NLK: variants seen among roughly 807,000 people sequenced by gnomAD.
NLK encodes nemo like kinase.
A neutral mutation model predicts 59.0 loss-of-function variants in NLK; 11 were observed. The ratio of observed to expected loss-of-function variants is 0.19; its 90% CI spans 0.12 to 0.31. The LOEUF is 0.31. NLK is among the 10% of genes least tolerant of loss of function. The pLI is 1.00. For synonymous variants in NLK, 235 were observed against 235.9 expected (o/e 1.00, Z 0.03); for missense variants, 410 against 661.1 (o/e 0.62, Z 4.16).
intron 1 of NLK, among the ~76,000 whole-genome samples, chr17:28,059,642 A>G (rs1306038404): frequency 6.6e-6 from 1 of 152,254 alleles, no homozygotes; most frequent in Non-Finnish European, 1.5e-5. Flanking sequence ...ATAAATGGCA[A>G]TTTAGTGTAT....
chr17:28,103,475 T>C lies in NLK; in HGVS notation c.459-19128T>C, dbSNP rs1017225136. On this transcript the variant is annotated intron_variant, in intron 1 of 10. Transcript: ENST00000407008. ...AAATACATGCAAATTTACAAAGAGCTGCTTCACATAGTCAATACATATTTA... is the reference window on the plus strand; with the variant it reads ...AAATACATGCAAATTTACAAAGAGCCGCTTCACATAGTCAATACATATTTA... 2.0e-4 allele frequency among the ~76,000 whole-genome samples: 30 copies of C among 152,330 alleles called. 1 individual carries two copies. The highest frequency in any genetic ancestry group is 3.4e-3 in the Middle Eastern group (1 of 294).
At chr17:28,113,597 C>T (rs1446363801) in intron 1 of NLK, among the ~76,000 whole-genome samples, 1 of 152,136 alleles carries the variant, frequency 6.6e-6, no homozygotes, top group Non-Finnish European at 1.5e-5. Context: ...ATTATAATTC[C>T]AGAGGTCACT....
intron 1 of NLK, among the ~76,000 whole-genome samples, chr17:28,110,919 A>G (rs1489252886): frequency 3.4e-5 from 5 of 146,108 alleles, no homozygotes; most frequent in East Asian, 2.1e-4. Context: ...ATCTCGGCTC[A>G]CTGCAAGCTC....
Position 28,159,995 on chromosome 17 carries a change from A to T in NLK, c.645-1165A>T, listed in dbSNP as rs529121600. Among the ~76,000 whole-genome samples the T allele has an allele frequency of 1.1e-4, 17 of 152,342 alleles. 1 individual carries two copies. In the South Asian group the frequency reaches 3.5e-3, roughly 32 times the overall value. On this transcript the variant is annotated intron_variant, in intron 3 of 10. Transcript: ENST00000407008. ...AGATTTGGACAGTTTTGGACTTGTTAGTTTGAAATGTCAATTAGGTATCCA... is the reference window on the plus strand; with the variant it reads ...AGATTTGGACAGTTTTGGACTTGTTTGTTTGAAATGTCAATTAGGTATCCA...
intron 1 of NLK, among the ~76,000 whole-genome samples, chr17:28,044,661 T>A (rs1014132722): frequency 6.6e-6 from 1 of 152,188 alleles, no homozygotes; most frequent in African/African-American, 2.4e-5. Flanking sequence ...CCTGCCTTCC[T>A]CTCTTCCCTT....
chr17:28,140,100 C>G (rs1906925561), intron 3 of NLK, among the ~76,000 whole-genome samples: 1 of 151,448 alleles, frequency 6.6e-6, no homozygotes, highest in Non-Finnish European at 1.5e-5. Context: ...GTATCAGGAG[C>G]ATAATTAGGG....
chr17:28,088,982 C>T (rs1157773092), intron 1 of NLK, among the ~76,000 whole-genome samples: 1 of 152,028 alleles, frequency 6.6e-6, no homozygotes, highest in African/African-American at 2.4e-5. Context: ...TTCAGTGGTG[C>T]CAGAAATGAT....
chr17:28,160,336 T>C (rs1907954243), intron 3 of NLK, among the ~76,000 whole-genome samples: 1 of 152,244 alleles, frequency 6.6e-6, no homozygotes, highest in Non-Finnish European at 1.5e-5. Flanking sequence ...TCCCAAGTTA[T>C]CCCCTTTCCT....
intron 3 of NLK, among the ~76,000 whole-genome samples, chr17:28,146,331 T>G (rs999218412): frequency 6.6e-6 from 1 of 152,146 alleles, no homozygotes; most frequent in Non-Finnish European, 1.5e-5. Flanking sequence ...ACCTAGCATG[T>G]ATTGATGTTT....
At chr17:28,055,859 A>G (rs569350203) in intron 1 of NLK, among the ~76,000 whole-genome samples, 1 of 152,290 alleles carries the variant, frequency 6.6e-6, no homozygotes, top group East Asian at 1.9e-4. Context: ...TTTTTTTCTG[A>G]TTAACTCCAA....
In NLK at chr17:28,191,035, C is replaced by A. The variant is rs55949117; in HGVS notation, c.1251C>A (p.Ser417=). ...TTTGATTTCAGTCCAAAAGAATATCCGCTAAGGATGCCTTAGCCCACCCCT... is the reference window on the plus strand; with the variant it reads ...TTTGATTTCAGTCCAAAAGAATATCAGCTAAGGATGCCTTAGCCCACCCCT... The part of the protein sequence containing the change: ...MLVFDPSKRI[S]AKDALAHPYL... Residue 417 remains serine (S), a synonymous_variant, in exon 9 of 11, where the codon TCC becomes TCA. Transcript: ENST00000407008. 1 of 1,598,224 alleles carries A rather than the reference C, an allele frequency of 6.3e-7. No individual in the cohort carries two copies. Among genetic ancestry groups the A allele is most frequent in the Non-Finnish European group, 8.5e-7 (1 of 1,174,086 alleles).
chr17:28,099,474 T>C (rs1904824216), intron 1 of NLK, among the ~76,000 whole-genome samples: 1 of 152,160 alleles, frequency 6.6e-6, no homozygotes, highest in Admixed American at 6.5e-5. Context: ...GTCTAGTTTC[T>C]GTCACTATAG....
intron 1 of NLK, among the ~76,000 whole-genome samples, chr17:28,075,779 T>A (rs1041878874): frequency 6.6e-6 from 1 of 152,146 alleles, no homozygotes; most frequent in Non-Finnish European, 1.5e-5. Context: ...CTTCATAAGC[T>A]TCCTACCCAT....
At chr17:28,161,097 G>A in intron 3 of NLK, 63 bp from the exon 4 acceptor site, 1 of 864,242 alleles carries the variant, frequency 1.2e-6, no homozygotes, top group Non-Finnish European at 2.0e-6. Flanking sequence ...TTTAGATCTG[G>A]TCACCACTTT....
intron 6 of NLK, among the ~76,000 whole-genome samples, chr17:28,170,453 T>C (rs1908416183): frequency 6.6e-6 from 1 of 151,740 alleles, no homozygotes; most frequent in Non-Finnish European, 1.5e-5. Context: ...TCTGCTTTTA[T>C]CAACATTTAA....
At chr17:28,132,543 A>G (rs1320912738) in intron 2 of NLK, 77 bp from the exon 3 acceptor site, 2 of 1,026,508 alleles carry the variant, frequency 1.9e-6, no homozygotes, top group Admixed American at 2.1e-5. Context: ...AAGAGTTGTT[A>G]GTATTTACTT....
chr17:28,081,347 G>A (rs1408678110), intron 1 of NLK, among the ~76,000 whole-genome samples: 1 of 151,446 alleles, frequency 6.6e-6, no homozygotes, highest in Non-Finnish European at 1.5e-5. Context: ...CACATGCCCA[G>A]CTAATTTAAA....
intron 1 of NLK, among the ~76,000 whole-genome samples, chr17:28,110,986 A>C (rs1045645249): frequency 4.0e-5 from 6 of 149,992 alleles, no homozygotes; most frequent in Non-Finnish European, 7.4e-5. Flanking sequence ...CTGGGACTAC[A>C]GGCGCCCGCC....
At chr17:28,169,067 G>A (rs765028891) in intron 6 of NLK, among the ~76,000 whole-genome samples, 2 of 151,758 alleles carry the variant, frequency 1.3e-5, no homozygotes, top group African/African-American at 4.8e-5. Flanking sequence ...TGTATTTTTA[G>A]TAGAGACAGG....
Sources: allele counts gnomAD v4.1 joint callset (sites outside exome capture counted in the v4.1 genomes callset), GRCh38; gene constraint gnomAD v4.1.1; transcripts MANE v1.5; gene names NCBI Gene and HGNC (gene_info 2026-07-23, HGNC 2026-07-21).